The following AP3D1 variants were observed in gnomAD, a reference collection of about 807,000 sequenced individuals.
AP3D1 encodes AP-3 complex subunit delta-1.
Under a neutral mutation model 147.6 loss-of-function variants are expected in AP3D1, and 51 were observed. The observed-to-expected ratio is 0.35, with a 90% CI of 0.28 to 0.44. The LOEUF is 0.44. AP3D1 is among the 20% of genes least tolerant of loss of function. The probability of loss-of-function intolerance (pLI) is 1.00; values close to 1 mark genes in which losing one functional copy is unlikely to be tolerated. For missense variants in AP3D1, 1,421 were observed against 1,624.2 expected (o/e 0.87, Z 2.15); for synonymous variants, 760 against 663.0 (o/e 1.15, Z -2.25).
At position 2,115,641 on chromosome 19, in the gene AP3D1, G is replaced by A. The variant is rs764265169; in HGVS notation, c.2074-28C>T. The A allele has an allele frequency of 3.8e-5, 61 of 1,599,320 alleles. 1 individual carries two copies. Among genetic ancestry groups the A allele is most frequent in the South Asian group, 3.0e-4 (27 of 90,578 alleles). On this transcript the variant is annotated intron_variant, in intron 18 of 31. Transcript: ENST00000643116. ...GCAAAGGCAACACCCAGGCGTTACC[G>A]GTGCACCGAGGGGTGACACACGTGC...
chr19:2,103,743 G>C (rs2018025433), intron 31 of AP3D1, among the ~76,000 whole-genome samples: 1 of 152,128 alleles, frequency 6.6e-6, no homozygotes, highest in Admixed American at 6.5e-5. Context: ...CCACAGGATG[G>C]AACAAGGCCC....
chr19:2,144,117 A>G (rs527546581), intron 1 of AP3D1, among the ~76,000 whole-genome samples: 3 of 152,202 alleles, frequency 2.0e-5, no homozygotes, highest in African/African-American at 7.2e-5. Flanking sequence ...CCAAGTCCCA[A>G]CAGTAACTGA....
Position 2,138,607 on chromosome 19 carries a change from G to T in AP3D1, c.192+12C>A, listed in dbSNP as rs1264671994. 1.9e-6 allele frequency: 3 copies of T among 1,610,320 alleles called. No homozygotes were observed. Among genetic ancestry groups the T allele is most frequent in the East Asian group, 2.2e-5 (1 of 44,878 alleles). On this transcript the variant is annotated intron_variant, in intron 2 of 31. Transcript: ENST00000643116. The stretch of plus-strand genomic sequence containing the variant: ...CGACAGTGCTGGGCGCTGGCCACTG[G>T]GAGGCACTTACATACGTCAGCTTGC...
At chr19:2,108,603 A>G in intron 31 of AP3D1, 84 bp downstream of exon 31, 1 of 1,319,632 alleles carries the variant, frequency 7.6e-7, no homozygotes, top group Non-Finnish European at 1.1e-6. Flanking sequence ...TAAGTCCCAA[A>G]GCGCGCCTCT....
intron 1 of AP3D1, chr19:2,164,024 C>A: frequency 3.3e-6 from 1 of 298,572 alleles, no homozygotes; most frequent in Non-Finnish European, 5.3e-6. Flanking sequence ...CCGGGCCGGA[C>A]CGGAGCGCGG....
At chr19:2,115,194 G>A (rs1332384901) in intron 20 of AP3D1, 25 bp downstream of exon 20, 1 of 1,602,940 alleles carries the variant, frequency 6.2e-7, no homozygotes, top group Non-Finnish European at 8.5e-7. Flanking sequence ...GACATCCTAG[G>A]ACCGGGACCT....
chr19:2,124,341 G>A (rs2018693154), intron 9 of AP3D1, among the ~76,000 whole-genome samples: 1 of 152,238 alleles, frequency 6.6e-6, no homozygotes, highest in Admixed American at 6.5e-5. Context: ...GAAGGCTCTA[G>A]AAGCTGGGCC....
chr19:2,113,347 C>A lies in AP3D1; in HGVS notation c.2668G>T (p.Val890Phe), dbSNP rs536158441. 1 of 239,160 alleles carries A rather than the reference C, an allele frequency of 4.2e-6. No homozygotes were observed. Among genetic ancestry groups the A allele is most frequent in the Middle Eastern group, 1.6e-3 (1 of 618 alleles). The allele number at this position is 239,160 out of a possible 1,614,324, so 14.8% of individuals were successfully genotyped here. A position where few individuals can be genotyped will look rare whatever the true frequency, so the allele number is the denominator to read the frequency against. ...PPAPAPAPAP[V>F]PSTGELSVNT... ...TGCCAGTCTCTTACCGTGGATGGAA[C>A]GGGGGCGGGGGCGGGGGCGGGGGCA... The change falls in exon 23 of 32, where the codon GTT (valine) becomes TTT (phenylalanine). Residue 890 changes from valine to phenylalanine, a missense_variant. This residue lies in a region of AP3D1 where 791 missense variants were observed against 761.4 expected (regional missense o/e 1.04). Coordinates refer to ENST00000643116, the MANE Select transcript of AP3D1 (RefSeq NM_001261826.3).
Position 2,108,479 on chromosome 19 carries a change from G to A in AP3D1, c.3552+208C>T, listed in dbSNP as rs140325860. Among the ~76,000 whole-genome samples, 44 of 152,354 alleles carry A rather than the reference G, an allele frequency of 2.9e-4. No homozygotes were observed. In the East Asian group the frequency reaches 7.9e-3, roughly 27 times the overall value. On this transcript the variant is annotated intron_variant, in intron 31 of 31. Coordinates refer to ENST00000643116, the MANE Select transcript of AP3D1 (RefSeq NM_001261826.3). ...CATGTGTCAGCCTGCGGTGAGCAGC[G>A]CAGCAGGAGGCAGAAGCCCTGTCTT...
chr19:2,112,633 T>G, intron 24 of AP3D1: 1 of 500,106 alleles, frequency 2.0e-6, no homozygotes, highest in East Asian at 3.4e-5. Context: ...ACTGTATACA[T>G]ACTTCAAATG....
Position 2,137,111 on chromosome 19 carries a change from C to A in AP3D1, c.274-20G>T, listed in dbSNP as rs1163968102. On this transcript the variant is annotated intron_variant, in intron 3 of 31. Coordinates refer to ENST00000643116, the MANE Select transcript of AP3D1 (RefSeq NM_001261826.3). ...AATTCGCTGGGAGAGAACAGATGAGCACATCAGAGGCAGGACACCCGCAGC... is the reference window on the plus strand; with the variant it reads ...AATTCGCTGGGAGAGAACAGATGAGAACATCAGAGGCAGGACACCCGCAGC... 1.3e-6 allele frequency: 2 copies of A among 1,567,412 alleles called. No homozygotes were observed. The highest frequency in any genetic ancestry group is 1.9e-5 in the Admixed American group (1 of 53,592).
intron 28 of AP3D1, 70 bp downstream of exon 28, chr19:2,110,066 A>C: frequency 1.3e-6 from 2 of 1,588,378 alleles, no homozygotes; most frequent in Non-Finnish European, 1.7e-6. Context: ...CTGGACACCC[A>C]CTGCGATGGG....
intron 1 of AP3D1, among the ~76,000 whole-genome samples, chr19:2,139,964 GT>G (rs1460685387): frequency 1.3e-5 from 2 of 151,834 alleles, no homozygotes; most frequent in Admixed American, 6.6e-5. Context: ...CTGTGGGGGA[GT>G]GGGGGGGTGG....
rs749755491 is a variant in AP3D1, at chr19:2,121,095, G to A, written c.1251-3C>T. ...GCTCCACCAGGATGCTGATGTACCT[G>A]TGGGGCAGAGGCGGTGAGTGAGCGG... On this transcript the variant is annotated splice_polypyrimidine_tract_variant and splice_region_variant and intron_variant, in intron 13 of 31. Transcript: ENST00000643116. The A allele has an allele frequency of 2.5e-6, 4 of 1,613,846 alleles. No homozygotes were observed. Among genetic ancestry groups the A allele is most frequent in the South Asian group, 1.1e-5 (1 of 91,066 alleles).
In AP3D1 at chr19:2,109,481, G is replaced by A. The variant is rs77962077; in HGVS notation, c.3351-274C>T. ...TCCGACAAGGACGGATGTCCTGTAG[G>A]AAGGGACTGGGGGGATAGGCTAGGA... On this transcript the variant is annotated intron_variant, in intron 29 of 31. Coordinates refer to ENST00000643116, the MANE Select transcript of AP3D1 (RefSeq NM_001261826.3). 0.048 allele frequency: 24,021 copies of A among 502,060 alleles called. 1,190 individuals carry two copies. Among genetic ancestry groups the A allele is most frequent in the East Asian group, 0.22 (6,245 of 28,730 alleles). 31.1% of individuals were successfully genotyped at this position (502,060 alleles called of 1,614,324 possible).
chr19:2,154,938 C>G (rs563831688), upstream of AP3D1, among the ~76,000 whole-genome samples: 2 of 152,176 alleles, frequency 1.3e-5, no homozygotes, highest in South Asian at 2.1e-4. Flanking sequence ...CCAGCACTTC[C>G]GGAGGCTGAG....
intron 1 of AP3D1, chr19:2,164,128 G>A: frequency 2.5e-6 from 1 of 406,486 alleles, no homozygotes; most frequent in Non-Finnish European, 3.2e-6. Context: ...CCCACCGGCG[G>A]CCCCGCCCCT....
intron 31 of AP3D1, among the ~76,000 whole-genome samples, chr19:2,108,337 A>C (rs143466144): frequency 6.1e-4 from 93 of 152,306 alleles, no homozygotes; most frequent in African/African-American, 2.1e-3. Flanking sequence ...GGGAGCGAGG[A>C]GTCATTCTAG....
At chr19:2,143,227 CTAA>C (rs1392499411) in intron 1 of AP3D1, among the ~76,000 whole-genome samples, 4 of 139,340 alleles carry the variant, frequency 2.9e-5, no homozygotes, top group Non-Finnish European at 4.6e-5. Context: ...CCATGCCTGC[CTAA>C]TTTTTTTTTT....
Sources: allele counts gnomAD v4.1 joint callset (sites outside exome capture counted in the v4.1 genomes callset), GRCh38; gene constraint gnomAD v4.1.1; regional missense constraint gnomAD v4.1.1; transcripts MANE v1.5; gene names NCBI Gene and HGNC (gene_info 2026-07-23, HGNC 2026-07-21).